The following DR1 variants were observed in gnomAD, a reference collection of about 807,000 sequenced individuals.
DR1 encodes the protein down-regulator of transcription 1, also known as protein Dr1.
Under a neutral mutation model 19.9 loss-of-function variants are expected in DR1, and 7 were observed. The ratio of observed to expected loss-of-function variants is 0.35; its 90% CI spans 0.20 to 0.66. The LOEUF is 0.66. DR1 is among the 30% of genes least tolerant of loss of function. DR1 has a pLI of 0.66. For missense variants in DR1, 98 were observed against 203.7 expected, an observed-to-expected ratio of 0.48 and a Z score of 3.16; for synonymous variants, 76 against 72.5, an observed-to-expected ratio of 1.05 and a Z score of -0.24.
chr1:93,356,723 ATTTT>A (rs34485070), intron 2 of DR1, among the ~76,000 whole-genome samples: 1 of 139,352 alleles, frequency 7.2e-6, no homozygotes. Flanking sequence ...AACTCTTACA[ATTTT>A]TTTTTTTTTT....
Position 93,346,730 on chromosome 1 carries a change from G to T in DR1, c.85G>T (p.Val29Phe), listed in dbSNP as rs1666849065. Residue 29 changes from valine to phenylalanine, a missense_variant, in exon 1 of 3, where the codon GTC (valine) becomes TTC (phenylalanine). Coordinates refer to ENST00000370272, the MANE Select transcript of DR1 (RefSeq NM_001938.3). ...NKMIKETLPN[V>F]RVANDARELV... Reference sequence around the variant, plus strand: ...AATGATCAAAGAGACTCTTCCTAATGTCCGGGTGGCCAACGATGCTCGAGA... The same window carrying T: ...AATGATCAAAGAGACTCTTCCTAATTTCCGGGTGGCCAACGATGCTCGAGA... 1.2e-6 allele frequency: 2 copies of T among 1,613,950 alleles called. No individual in the cohort carries two copies. Among genetic ancestry groups the T allele is most frequent in the Admixed American group, 1.7e-5 (1 of 59,998 alleles).
intron 2 of DR1, among the ~76,000 whole-genome samples, chr1:93,357,759 T>C (rs1003839594): frequency 1.3e-5 from 2 of 152,074 alleles, no homozygotes; most frequent in African/African-American, 4.8e-5. Context: ...CCCAAGGTAA[T>C]AGCTTTTCTT....
rs1207678806 is a variant in DR1 at position 93,346,459 on chromosome 1, ATCTC to A, written c.-184_-181del. 1.7e-6 allele frequency: 1 copy of A among 600,076 alleles called. No homozygotes were observed. Among genetic ancestry groups the A allele is most frequent in the African/African-American group, 1.9e-5 (1 of 53,608 alleles). The allele number at this position is 600,076 out of a possible 1,614,324, so 37.2% of individuals were successfully genotyped here. A position where few individuals can be genotyped will look rare whatever the true frequency, so the allele number is the denominator to read the frequency against. Reference sequence around the variant, plus strand: ...CACTTTCTTCCCAAACTCATCCTAAATCTCTCACACACGCGAGTGTTCCCAGCCC... The same window carrying A: ...CACTTTCTTCCCAAACTCATCCTAAATCACACACGCGAGTGTTCCCAGCCC... On this transcript the variant is annotated 5_prime_UTR_variant, in exon 1 of 3. Coordinates refer to ENST00000370272, the MANE Select transcript of DR1 (RefSeq NM_001938.3).
At chr1:93,352,056 A>G (rs531205758) in intron 1 of DR1, among the ~76,000 whole-genome samples, 1 of 151,298 alleles carries the variant, frequency 6.6e-6, no homozygotes. Context: ...TAATAACAAT[A>G]TGATATTTAT....
At chr1:93,346,985 C>T in intron 1 of DR1, 120 bp downstream of exon 1, 3 of 908,442 alleles carry the variant, frequency 3.3e-6, no homozygotes, top group Non-Finnish European at 5.0e-6. Context: ...AATGAAAAAG[C>T]CAGACTGGCA....
chr1:93,362,603 AT>A lies in DR1; in HGVS notation c.*1967del, dbSNP rs1316438153. On this transcript the variant is annotated 3_prime_UTR_variant, in exon 3 of 3. Transcript: ENST00000370272. ...GATGTGTTTTATAAATGGTTTTTAT[AT>A]TTAATGTTCTATAGAGAGATTTCTA... The A allele has an allele frequency of 1.3e-5, 2 of 152,176 alleles. No homozygotes were observed. The highest frequency in any genetic ancestry group is 2.9e-5 in the Non-Finnish European group (2 of 67,830). The allele number at this position is 152,176 out of a possible 1,614,324, so 9.4% of individuals were successfully genotyped here. A position where few individuals can be genotyped will look rare whatever the true frequency, so the allele number is the denominator to read the frequency against.
At chr1:93,359,932 A>G (rs1367159316) in intron 2 of DR1, among the ~76,000 whole-genome samples, 4 of 152,204 alleles carry the variant, frequency 2.6e-5, no homozygotes, top group Non-Finnish European at 5.9e-5. Context: ...AGAGATAGGC[A>G]TATAGTAGGT....
In DR1 at chr1:93,346,541, C is replaced by A. The variant is rs1666842374; in HGVS notation, c.-105C>A. ...TCTGCACCCTCTTCGCAAAGCACCC[C>A]CCGGGATCACTCTCCGAGGGCGACT... On this transcript the variant is annotated 5_prime_UTR_variant, in exon 1 of 3. Coordinates refer to ENST00000370272, the MANE Select transcript of DR1 (RefSeq NM_001938.3). The A allele has an allele frequency of 4.4e-6, 4 of 899,904 alleles. No individual in the cohort carries two copies. The African/African-American group carries it at 5.0e-5, about 11-fold the overall frequency. The allele number at this position is 899,904 out of a possible 1,614,324, so 55.7% of individuals were successfully genotyped here. A position where few individuals can be genotyped will look rare whatever the true frequency, so the allele number is the denominator to read the frequency against.
chr1:93,354,201 C>A, intron 2 of DR1, 130 bp downstream of exon 2: 1 of 812,198 alleles, frequency 1.2e-6, no homozygotes, highest in Non-Finnish European at 1.8e-6. Context: ...TTCTGGTGTT[C>A]AGAGCTGACC....
Position 93,366,257 on chromosome 1 carries a change from C to T in DR1, c.*5618C>T, listed in dbSNP as rs1408187872. The stretch of plus-strand genomic sequence containing the variant: ...CTTTCCTCTTAAAGGCCAAATATGC[C>T]GTAGTATGTAAATACCGTATTTTGT... On this transcript the variant is annotated 3_prime_UTR_variant, in exon 3 of 3. Transcript: ENST00000370272. 2 of 152,100 alleles carry T rather than the reference C, an allele frequency of 1.3e-5. No homozygotes were observed. The highest frequency in any genetic ancestry group is 1.3e-4 in the Admixed American group (2 of 15,266). The allele number at this position is 152,100 out of a possible 1,614,324, so 9.4% of individuals were successfully genotyped here.
At position 93,357,770 on chromosome 1, in the gene DR1, C is replaced by A. The variant is rs6541360; in HGVS notation, c.385-2723C>A. On this transcript the variant is annotated intron_variant, in intron 2 of 2. Coordinates refer to ENST00000370272, the MANE Select transcript of DR1 (RefSeq NM_001938.3). ...TTCCCCCAAGGTAATAGCTTTTCTT[C>A]TTCCACTTCACTACTGCCACCTACA... Among the ~76,000 whole-genome samples the A allele has an allele frequency of 6.6e-5, 10 of 151,946 alleles. No homozygotes were observed. The South Asian group carries it at 8.3e-4, about 13-fold the overall frequency.
At chr1:93,354,107 C>T in intron 2 of DR1, 36 bp downstream of exon 2, 2 of 1,581,614 alleles carry the variant, frequency 1.3e-6, no homozygotes, top group East Asian at 2.3e-5. Context: ...CCTCTGAATC[C>T]TACCCTGTTT....
rs1667189754 is a variant in DR1 at position 93,368,170 on chromosome 1, G to A, written c.*7531G>A. ...GTATTGATAGTCCAGTCATAGACTG[G>A]TAACACAGGCACACCATTAAAAATA... On this transcript the variant is annotated 3_prime_UTR_variant, in exon 3 of 3. Coordinates refer to ENST00000370272, the MANE Select transcript of DR1 (RefSeq NM_001938.3). 6.6e-6 allele frequency: 1 copy of A among 152,144 alleles called. No individual in the cohort carries two copies. Among genetic ancestry groups the A allele is most frequent in the Non-Finnish European group, 1.5e-5 (1 of 68,030 alleles). The allele number at this position is 152,144 out of a possible 1,614,324, so 9.4% of individuals were successfully genotyped here. A position where few individuals can be genotyped will look rare whatever the true frequency, so the allele number is the denominator to read the frequency against.
chr1:93,358,015 T>G (rs1404138433), intron 2 of DR1, among the ~76,000 whole-genome samples: 1 of 152,206 alleles, frequency 6.6e-6, no homozygotes, highest in African/African-American at 2.4e-5. Flanking sequence ...GGCTCACACC[T>G]GTAATCATAG....
Position 93,364,841 on chromosome 1 carries a change from T to A in DR1, c.*4202T>A, listed in dbSNP as rs1667098829. On this transcript the variant is annotated 3_prime_UTR_variant, in exon 3 of 3. Transcript: ENST00000370272. ...TATGTTTCCTTTTTCTTTTTTCTTTTCTTTTCTTTCTTTTTTTTTTTTTTT... is the reference window on the plus strand; with the variant it reads ...TATGTTTCCTTTTTCTTTTTTCTTTACTTTTCTTTCTTTTTTTTTTTTTTT... 8.9e-6 allele frequency: 1 copy of A among 112,138 alleles called. No individual in the cohort carries two copies. The highest frequency in any genetic ancestry group is 1.9e-5 in the Non-Finnish European group (1 of 52,082). 6.9% of individuals were successfully genotyped at this position (112,138 alleles called of 1,614,324 possible).
At position 93,365,112 on chromosome 1, in the gene DR1, C is replaced by T. The variant is rs1370062135; in HGVS notation, c.*4473C>T. Reference sequence around the variant, plus strand: ...GACCTCGTGATCCACCCGCCTTGGCCTCCCAAAGTGCTGGGATTACAGGCG... The same window carrying T: ...GACCTCGTGATCCACCCGCCTTGGCTTCCCAAAGTGCTGGGATTACAGGCG... On this transcript the variant is annotated 3_prime_UTR_variant, in exon 3 of 3. Coordinates refer to ENST00000370272, the MANE Select transcript of DR1 (RefSeq NM_001938.3). The T allele has an allele frequency of 6.6e-6, 1 of 152,126 alleles. No homozygotes were observed. Among genetic ancestry groups the T allele is most frequent in the Non-Finnish European group, 1.5e-5 (1 of 68,050 alleles). The allele number at this position is 152,126 out of a possible 1,614,324, so 9.4% of individuals were successfully genotyped here. A position where few individuals can be genotyped will look rare whatever the true frequency, so the allele number is the denominator to read the frequency against.
At position 93,369,099 on chromosome 1, in the gene DR1, C is replaced by G. The variant is rs960348082; in HGVS notation, c.*8460C>G. The G allele has an allele frequency of 2.6e-5, 4 of 151,786 alleles. 1 individual carries two copies. The highest frequency in any genetic ancestry group is 2.6e-4 in the Admixed American group (4 of 15,234). The allele number at this position is 151,786 out of a possible 1,614,324, so 9.4% of individuals were successfully genotyped here. A position where few individuals can be genotyped will look rare whatever the true frequency, so the allele number is the denominator to read the frequency against. ...TCCTTGGATTTTGGATTTTGGTATCCTTGGGGTATCCTGGAACCAATCCCT... is the reference window on the plus strand; with the variant it reads ...TCCTTGGATTTTGGATTTTGGTATCGTTGGGGTATCCTGGAACCAATCCCT... On this transcript the variant is annotated 3_prime_UTR_variant, in exon 3 of 3. Coordinates refer to ENST00000370272, the MANE Select transcript of DR1 (RefSeq NM_001938.3).
intron 1 of DR1, among the ~76,000 whole-genome samples, chr1:93,351,593 G>A (rs1666913799): frequency 1.3e-5 from 2 of 151,728 alleles, no homozygotes; most frequent in South Asian, 4.2e-4. Context: ...GTGCCACCAC[G>A]CCTGGCTAAT....
rs1310008591 is a variant in DR1, at chr1:93,366,413, A to G, written c.*5774A>G. The G allele has an allele frequency of 6.6e-6, 1 of 152,180 alleles. No homozygotes were observed. The highest frequency in any genetic ancestry group is 1.5e-5 in the Non-Finnish European group (1 of 68,036). The allele number at this position is 152,180 out of a possible 1,614,324, so 9.4% of individuals were successfully genotyped here. On this transcript the variant is annotated 3_prime_UTR_variant, in exon 3 of 3. Transcript: ENST00000370272. ...AGGCTTGTTATTTTTGAGTGCACAG[A>G]TCTGTATATTCGCAATTGAAATAGG...
Sources: allele counts gnomAD v4.1 joint callset (sites outside exome capture counted in the v4.1 genomes callset), GRCh38; gene constraint gnomAD v4.1.1; transcripts MANE v1.5; gene names NCBI Gene and HGNC (gene_info 2026-07-23, HGNC 2026-07-21).